Variants in TG observed in about 807,000 individuals in gnomAD.
TG encodes the protein thyroglobulin.
TG carries 270 observed loss-of-function variants against 324.7 expected under a neutral mutation model. That is an observed-to-expected ratio of 0.83 (90% CI 0.75 to 0.92). The LOEUF (loss-of-function observed/expected upper bound fraction) is 0.92. Among genes scored for constraint, TG ranks in the 40% least tolerant of loss-of-function variants. TG has a pLI of 0.00. For synonymous variants in TG, 1,401 were observed against 1,327.0 expected (o/e 1.06, Z -1.21); for missense variants, 3,591 against 3,456.4 (o/e 1.04, Z -0.98).
At chr8:132,955,295 T>C (rs1014781755) in intron 27 of TG, among the ~76,000 whole-genome samples, 9 of 152,180 alleles carry the variant, frequency 5.9e-5, no homozygotes, top group African/African-American at 2.2e-4. Context: ...TCGCAACCTG[T>C]CACCTGTTCA....
intron 6 of TG, 83 bp downstream of exon 6, chr8:132,882,052 C>A: frequency 1.9e-6 from 2 of 1,050,356 alleles, no homozygotes; most frequent in Non-Finnish European, 2.9e-6. Context: ...GCTTGTAAAG[C>A]ACAGCTAGAG....
intron 41 of TG, among the ~76,000 whole-genome samples, chr8:133,078,852 G>A (rs541935395): frequency 1.3e-5 from 2 of 152,308 alleles, no homozygotes; most frequent in African/African-American, 4.8e-5. Context: ...GAGCATGAAT[G>A]TATCTCCATC....
chr8:133,009,733 C>T (rs918856638), intron 35 of TG, among the ~76,000 whole-genome samples: 13 of 151,828 alleles, frequency 8.6e-5, no homozygotes, highest in Non-Finnish European at 1.9e-4. Flanking sequence ...GGTCTTTCTG[C>T]TCTCTGCCAT....
intron 41 of TG, among the ~76,000 whole-genome samples, chr8:133,033,192 T>C (rs1836791982): frequency 6.6e-6 from 1 of 152,212 alleles, no homozygotes; most frequent in African/African-American, 2.4e-5. Flanking sequence ...TGAATTGTAT[T>C]TCCCAAGGTC....
chr8:132,968,993 G>A (rs547782346), intron 31 of TG, among the ~76,000 whole-genome samples: 1 of 152,112 alleles, frequency 6.6e-6, no homozygotes, highest in Non-Finnish European at 1.5e-5. Flanking sequence ...TTCCGTGGTG[G>A]GGAGAGGGCT....
At chr8:133,059,599 G>A (rs1006680080) in intron 41 of TG, among the ~76,000 whole-genome samples, 3 of 152,034 alleles carry the variant, frequency 2.0e-5, no homozygotes, top group Non-Finnish European at 2.9e-5. Context: ...GGGACATAAG[G>A]TTTCCTTTGT....
intron 41 of TG, among the ~76,000 whole-genome samples, chr8:133,057,334 C>T (rs969459674): frequency 1.3e-5 from 2 of 152,144 alleles, no homozygotes; most frequent in East Asian, 1.9e-4. Context: ...CTGTACTGCC[C>T]ATGTCTGGTA....
In TG at chr8:132,898,206, C is replaced by T; in HGVS notation, c.3177C>T (p.Ile1059=). ...GTGTAGATGAGAAAGGAGGGTTCAT[C>T]CCTGGCTCACTGACTGCCCGCTCTC... ...CWCVDEKGGF[I]PGSLTARSLQ... is the part of the protein sequence containing the mutation. Residue 1059 remains isoleucine (I), a synonymous_variant, in exon 13 of 48, where the codon ATC becomes ATT. Transcript: ENST00000220616. 6.2e-7 allele frequency: 1 copy of T among 1,605,620 alleles called. No individual in the cohort carries two copies. The highest frequency in any genetic ancestry group is 8.5e-7 in the Non-Finnish European group (1 of 1,176,268).
At chr8:133,088,056 A>G (rs573704390) in intron 41 of TG, among the ~76,000 whole-genome samples, 22 of 152,276 alleles carry the variant, frequency 1.4e-4, no homozygotes, top group Non-Finnish European at 3.1e-4. Flanking sequence ...ACTTCCTAGG[A>G]TGGTAGTGGG....
intron 35 of TG, among the ~76,000 whole-genome samples, chr8:133,010,616 G>C (rs1587752939): frequency 6.6e-6 from 1 of 152,208 alleles, no homozygotes; most frequent in East Asian, 1.9e-4. Flanking sequence ...TTGAGAGGCA[G>C]CCTTTCAAGC....
intron 34 of TG, among the ~76,000 whole-genome samples, chr8:132,977,179 T>C (rs1413448250): frequency 6.6e-6 from 1 of 152,142 alleles, no homozygotes; most frequent in Non-Finnish European, 1.5e-5. Flanking sequence ...CACTCTTAGC[T>C]TTGTATTAGG....
chr8:133,117,998 C>T (rs1221720349), intron 45 of TG, among the ~76,000 whole-genome samples: 1 of 152,174 alleles, frequency 6.6e-6, no homozygotes, highest in African/African-American at 2.4e-5. Flanking sequence ...GTTGTCCAAC[C>T]CATAACAGGG....
At chr8:132,948,292 TGAGCGAGAGCGAGAGTGA>T (rs920994977) in intron 26 of TG, among the ~76,000 whole-genome samples, 8 of 150,232 alleles carry the variant, frequency 5.3e-5, no homozygotes, top group East Asian at 3.9e-4. Context: ...AGAGCGAGAG[TGAGCGAGAGCGAGAGTGA>T]GAGCGAGAGC....
At position 132,868,293 on chromosome 8, in the gene TG, C is replaced by G. The variant is rs562752939; in HGVS notation, c.176+70C>G. 5.6e-5 allele frequency: 78 copies of G among 1,404,978 alleles called. 1 individual carries two copies. In the South Asian group the frequency reaches 7.7e-4, roughly 14 times the overall value. The allele number at this position is 1,404,978 out of a possible 1,614,324, so 87.0% of individuals were successfully genotyped here. The stretch of plus-strand genomic sequence containing the variant: ...TAAAAAGCATCTTGTGCCTTCCCCC[C>G]TCTTCCTGAGCTCTGCCCTGCAACT... On this transcript the variant is annotated intron_variant, in intron 2 of 47. Coordinates refer to ENST00000220616, the MANE Select transcript of TG (RefSeq NM_003235.5).
At chr8:133,045,265 C>A in intron 41 of TG, 3 of 723,388 alleles carry the variant, frequency 4.1e-6, no homozygotes, top group Non-Finnish European at 7.0e-6. Context: ...CTCCACTAGA[C>A]CCTTCTCTGT....
intron 41 of TG, chr8:133,090,251 G>A (rs1847279416): frequency 6.6e-6 from 1 of 152,238 alleles, no homozygotes; most frequent in African/African-American, 2.4e-5. Context: ...GGTCTGGTGA[G>A]GGCTTAGAAG....
chr8:132,882,006 G>C (rs1412641633), intron 6 of TG, 37 bp downstream of exon 6: 9 of 1,411,258 alleles, frequency 6.4e-6, no homozygotes, highest in Non-Finnish European at 9.0e-6. Context: ...AAGGGAGGGA[G>C]TGTGATTCCT....
At chr8:133,074,779 C>A (rs973417466) in intron 41 of TG, 41 of 880,850 alleles carry the variant, frequency 4.7e-5, no homozygotes, top group Non-Finnish European at 5.3e-5. Flanking sequence ...AGAAAGTCAA[C>A]CCCTGCCAAC....
At chr8:133,082,197 A>T (rs570237170) in intron 41 of TG, among the ~76,000 whole-genome samples, 2 of 152,332 alleles carry the variant, frequency 1.3e-5, no homozygotes, top group Non-Finnish European at 1.5e-5. Flanking sequence ...AGGGTGTCTC[A>T]TAACACCAAC....
Sources: gnomAD v4.1 joint callset for allele counts (sites outside exome capture counted in the v4.1 genomes callset) on GRCh38, gnomAD v4.1.1 for gene constraint, MANE v1.5 for transcripts, NCBI Gene and HGNC (gene_info 2026-07-23, HGNC 2026-07-21) for gene names.